Variants in PBX1 observed in about 807,000 individuals in gnomAD.
The protein encoded by PBX1 is pre-B-cell leukemia transcription factor 1.
PBX1 carries 6 observed loss-of-function variants against 53.4 expected under a neutral mutation model. That is an observed-to-expected ratio of 0.11 (90% CI 0.06 to 0.22). The LOEUF (loss-of-function observed/expected upper bound fraction) is 0.22, where lower values mean the gene tolerates loss of function less well. PBX1 is among the 10% of genes least tolerant of loss of function. PBX1 has a pLI of 1.00. For synonymous variants in PBX1, 204 were observed against 212.3 expected (o/e 0.96, Z 0.34); for missense variants, 251 against 551.4 (o/e 0.46, Z 5.46).
chr1:164,869,675 G>C (rs1365361478), intron 2 of PBX1, among the ~76,000 whole-genome samples: 1 of 152,182 alleles, frequency 6.6e-6, no homozygotes, highest in Non-Finnish European at 1.5e-5. Context: ...AAGATAAATA[G>C]ATAAAATGTG....
chr1:164,586,215 A>G (rs1654943330), intron 2 of PBX1, among the ~76,000 whole-genome samples: 1 of 152,238 alleles, frequency 6.6e-6, no homozygotes, highest in Non-Finnish European at 1.5e-5. Context: ...AATAGGAATA[A>G]GAAGAGCAAA....
At chr1:164,589,289 T>C (rs1051158393) in intron 2 of PBX1, among the ~76,000 whole-genome samples, 3 of 151,998 alleles carry the variant, frequency 2.0e-5, no homozygotes, top group Non-Finnish European at 4.4e-5. Flanking sequence ...CATTCCCAAG[T>C]TGTTTGCAGA....
intron 8 of PBX1, among the ~76,000 whole-genome samples, chr1:164,839,706 A>T (rs758848473): frequency 6.6e-6 from 1 of 152,182 alleles, no homozygotes; most frequent in Non-Finnish European, 1.5e-5. Context: ...CAGCAGCGTA[A>T]ACTACAAAAG....
At chr1:164,828,875 C>T (rs189665128) in intron 8 of PBX1, 29 of 152,152 alleles carry the variant, frequency 1.9e-4, no homozygotes, top group African/African-American at 3.6e-4. Context: ...AGCTTGTTTT[C>T]GGATAAAATA....
chr1:164,598,567 G>A (rs1250679981), intron 2 of PBX1, among the ~76,000 whole-genome samples: 1 of 152,192 alleles, frequency 6.6e-6, no homozygotes, highest in Admixed American at 6.5e-5. Flanking sequence ...ACATACTAGT[G>A]TTTGTTGATT....
At chr1:164,714,387 G>A (rs1398000226) in intron 2 of PBX1, among the ~76,000 whole-genome samples, 2 of 152,254 alleles carry the variant, frequency 1.3e-5, no homozygotes, top group East Asian at 1.9e-4. Flanking sequence ...CATTATCGTT[G>A]GAACAGTTAT....
intron 1 of PBX1, among the ~76,000 whole-genome samples, chr1:164,561,303 T>C (rs905011569): frequency 3.9e-5 from 6 of 152,226 alleles, no homozygotes; most frequent in East Asian, 1.9e-4. Context: ...GTTAAAAACA[T>C]AGATGTTATG....
intron 2 of PBX1, among the ~76,000 whole-genome samples, chr1:164,728,736 G>A (rs1557970423): frequency 6.6e-6 from 1 of 152,142 alleles, no homozygotes; most frequent in Non-Finnish European, 1.5e-5. Flanking sequence ...TTTTTATTCA[G>A]GGCCTCTGGT....
intron 3 of PBX1, among the ~76,000 whole-genome samples, chr1:164,794,202 G>C (rs1452768141): frequency 6.6e-6 from 1 of 152,112 alleles, no homozygotes; most frequent in Non-Finnish European, 1.5e-5. Context: ...CAAAAAAGAA[G>C]ACAGAGAAAA....
intron 2 of PBX1, among the ~76,000 whole-genome samples, chr1:164,743,052 AT>A (rs1485019425): frequency 6.6e-6 from 1 of 152,240 alleles, no homozygotes; most frequent in Non-Finnish European, 1.5e-5. Flanking sequence ...AGTGAAGAAG[AT>A]TCCTACAGGG....
chr1:164,749,878 C>T (rs1245214369), intron 2 of PBX1, among the ~76,000 whole-genome samples: 5 of 152,072 alleles, frequency 3.3e-5, no homozygotes, highest in Non-Finnish European at 4.4e-5. Flanking sequence ...AGATATTCAT[C>T]GCTTGAGCCC....
intron 2 of PBX1, among the ~76,000 whole-genome samples, chr1:164,747,699 A>C (rs1249059348): frequency 6.6e-6 from 1 of 152,142 alleles, no homozygotes; most frequent in Admixed American, 6.5e-5. Context: ...ATAATTAATA[A>C]TCCTCTCATA....
At chr1:164,857,817 T>C (rs1672010413) in intron 2 of PBX1, among the ~76,000 whole-genome samples, 2 of 152,180 alleles carry the variant, frequency 1.3e-5, no homozygotes, top group Admixed American at 1.3e-4. Context: ...AGTTTCCTCA[T>C]CAATAAAATG....
At chr1:164,723,555 G>T (rs1356148895) in intron 2 of PBX1, among the ~76,000 whole-genome samples, 1 of 152,208 alleles carries the variant, frequency 6.6e-6, no homozygotes, top group Non-Finnish European at 1.5e-5. Context: ...GACCATCTGA[G>T]GTTGTGTGCA....
chr1:164,576,661 C>T (rs1405195950), intron 2 of PBX1: 1 of 152,408 alleles, frequency 6.6e-6, no homozygotes, highest in Non-Finnish European at 1.5e-5. Context: ...CGAGGCTCCC[C>T]CGCCACCTCT....
intron 2 of PBX1, among the ~76,000 whole-genome samples, chr1:164,667,843 G>A (rs1158817075): frequency 6.6e-6 from 1 of 152,184 alleles, no homozygotes; most frequent in East Asian, 1.9e-4. Context: ...AGGACAACAA[G>A]GCTCGAGGTA....
chr1:164,657,289 G>C (rs1306922589), intron 2 of PBX1: 3 of 152,150 alleles, frequency 2.0e-5, no homozygotes, highest in African/African-American at 7.2e-5. Flanking sequence ...ATCATACATT[G>C]GTATCTATTC....
chr1:164,623,228 G>T (rs10494418), intron 2 of PBX1, among the ~76,000 whole-genome samples: 19,891 of 152,064 alleles, frequency 0.13, 1,475 homozygotes, highest in African/African-American at 0.18. Context: ...TGACTAATGC[G>T]GTGTATATAG....
At chr1:164,814,762 C>A (rs986393418) in intron 6 of PBX1, 2 of 154,370 alleles carry the variant, frequency 1.3e-5, no homozygotes, top group Admixed American at 6.5e-5. Flanking sequence ...AACAAACAAA[C>A]AAAAAAACCA....
Sources: allele counts gnomAD v4.1 joint callset (sites outside exome capture counted in the v4.1 genomes callset), GRCh38; gene constraint gnomAD v4.1.1; transcripts MANE v1.5; gene names NCBI Gene and HGNC (gene_info 2026-07-23, HGNC 2026-07-21).